The following SVOPL variants were observed in gnomAD, a reference collection of about 807,000 sequenced individuals.
SVOPL encodes putative transporter SVOPL.
SVOPL carries 60 observed loss-of-function variants against 61.0 expected under a neutral mutation model. The ratio of observed to expected loss-of-function variants is 0.98; its 90% CI spans 0.80 to 1.22. The LOEUF (loss-of-function observed/expected upper bound fraction) is 1.22, where lower values mean the gene tolerates loss of function less well. Ranked by LOEUF, SVOPL falls within the 50% of genes most tolerant of loss-of-function variation. SVOPL has a pLI of 0.00. For synonymous variants in SVOPL, 279 were observed against 250.0 expected, an observed-to-expected ratio of 1.12 and a Z score of -1.09; for missense variants, 662 against 643.9, an observed-to-expected ratio of 1.03 and a Z score of -0.30.
chr7:138,681,426 G>T (rs1373738869), intron 1 of SVOPL, among the ~76,000 whole-genome samples: 1 of 151,766 alleles, frequency 6.6e-6, no homozygotes, highest in East Asian at 1.9e-4. Context: ...GGCTGATTCT[G>T]GCTCAGGGAC....
chr7:138,691,667 A>G (rs1394310855), intron 1 of SVOPL, among the ~76,000 whole-genome samples: 1 of 152,026 alleles, frequency 6.6e-6, no homozygotes, highest in Non-Finnish European at 1.5e-5. Flanking sequence ...CAGCCTCCCG[A>G]GAAGCCGGGA....
intron 1 of SVOPL, among the ~76,000 whole-genome samples, chr7:138,699,848 A>G (rs976711800): frequency 6.6e-6 from 1 of 152,156 alleles, no homozygotes; most frequent in Admixed American, 6.5e-5. Context: ...GGTCTTCCCA[A>G]TGCATAGCCC....
At chr7:138,654,390 A>C (rs778463965) in intron 7 of SVOPL, among the ~76,000 whole-genome samples, 1 of 151,672 alleles carries the variant, frequency 6.6e-6, no homozygotes, top group Non-Finnish European at 1.5e-5. Context: ...TCTATGTATC[A>C]ATAAAATAAA....
chr7:138,690,373 AG>A, intron 1 of SVOPL, among the ~76,000 whole-genome samples: 1 of 152,082 alleles, frequency 6.6e-6, no homozygotes, highest in Non-Finnish European at 1.5e-5. Flanking sequence ...TGCATCTGGG[AG>A]CCAAAAGTAG....
At chr7:138,664,634 C>T (rs1178431891) in intron 4 of SVOPL, among the ~76,000 whole-genome samples, 2 of 142,230 alleles carry the variant, frequency 1.4e-5, no homozygotes, top group African/African-American at 5.2e-5. Context: ...GCCTAATCTC[C>T]AGCACCCCCG....
Position 138,618,287 on chromosome 7 carries a change from T to C in SVOPL, c.1353+2759A>G, listed in dbSNP as rs536284393. Reference sequence around the variant, plus strand: ...TACTGTATGTCAAACATTGGGTTAATTGCTTTACATTTATTCATCTCATTT... The same window carrying C: ...TACTGTATGTCAAACATTGGGTTAACTGCTTTACATTTATTCATCTCATTT... On this transcript the variant is annotated intron_variant, in intron 14 of 15. Transcript: ENST00000674285. 8.5e-5 allele frequency among the ~76,000 whole-genome samples: 13 copies of C among 152,314 alleles called. No homozygotes were observed. The East Asian group carries it at 2.5e-3, about 29-fold the overall frequency.
rs991187464 is a variant in SVOPL, at chr7:138,642,685, C to T, written c.789+2032G>A. ...TCTACAAAAAACACAAAAAATTAGC[C>T]GGGTGTTGGTGGCTCGCACTGATAG... On this transcript the variant is annotated intron_variant, in intron 9 of 15. Transcript: ENST00000674285. 1.2e-4 allele frequency among the ~76,000 whole-genome samples: 18 copies of T among 151,442 alleles called. No homozygotes were observed. The East Asian group carries it at 1.9e-3, about 16-fold the overall frequency.
At chr7:138,700,068 C>A (rs1223916788) in intron 1 of SVOPL, among the ~76,000 whole-genome samples, 1 of 152,174 alleles carries the variant, frequency 6.6e-6, no homozygotes, top group Non-Finnish European at 1.5e-5. Flanking sequence ...GTAGCGTTCA[C>A]ATCTGTACCT....
intron 9 of SVOPL, among the ~76,000 whole-genome samples, chr7:138,643,049 A>G (rs1389224787): frequency 6.6e-6 from 1 of 152,096 alleles, no homozygotes; most frequent in African/African-American, 2.4e-5. Flanking sequence ...AGAACACAGT[A>G]TGGTGATTCC....
intron 14 of SVOPL, among the ~76,000 whole-genome samples, chr7:138,615,323 C>T (rs113189527): frequency 3.9e-5 from 6 of 151,964 alleles, no homozygotes; most frequent in African/African-American, 1.5e-4. Context: ...TTTGGGAGGC[C>T]GAGATGGGCA....
intron 4 of SVOPL, among the ~76,000 whole-genome samples, chr7:138,669,509 G>A (rs1802362636): frequency 6.6e-6 from 1 of 152,306 alleles, no homozygotes; most frequent in Non-Finnish European, 1.5e-5. Flanking sequence ...CACCAGAAAA[G>A]AGAAGAGGCT....
At chr7:138,645,421 T>C (rs1801051242) in intron 8 of SVOPL, among the ~76,000 whole-genome samples, 1 of 152,168 alleles carries the variant, frequency 6.6e-6, no homozygotes, top group African/African-American at 2.4e-5. Flanking sequence ...CTGTTGGCTC[T>C]TCCTCAGAAA....
chr7:138,658,786 A>G (rs1210041864), intron 6 of SVOPL, among the ~76,000 whole-genome samples: 2 of 152,180 alleles, frequency 1.3e-5, no homozygotes, highest in East Asian at 3.9e-4. Context: ...AAAACCAAAC[A>G]AAGCTTAAAC....
chr7:138,677,157 G>A (rs1442996084), intron 3 of SVOPL, among the ~76,000 whole-genome samples: 1 of 152,038 alleles, frequency 6.6e-6, no homozygotes, highest in Admixed American at 6.6e-5. Flanking sequence ...GCCCGCCTCG[G>A]CCTCCCAAAG....
chr7:138,626,200 TG>T, intron 12 of SVOPL, 150 bp from the exon 13 acceptor site: 1 of 708,830 alleles, frequency 1.4e-6, no homozygotes, highest in East Asian at 2.7e-5. Context: ...GGCCTGATTG[TG>T]GGGTCCTTAA....
chr7:138,675,058 T>C lies in SVOPL; in HGVS notation c.175-2941A>G, dbSNP rs77726680. ...ATCTTCTCAATTGTACCATTGGTTATCATCAAAATAGGACTAGGATACATC... is the reference window on the plus strand; with the variant it reads ...ATCTTCTCAATTGTACCATTGGTTACCATCAAAATAGGACTAGGATACATC... On this transcript the variant is annotated intron_variant, in intron 3 of 15. Coordinates refer to ENST00000674285, the MANE Select transcript of SVOPL (RefSeq NM_001139456.2). Among the ~76,000 whole-genome samples the C allele has an allele frequency of 3.0e-3, 457 of 152,134 alleles. 9 individuals carry two copies. The highest frequency in any genetic ancestry group is 0.01 in the African/African-American group (425 of 41,522).
intron 9 of SVOPL, among the ~76,000 whole-genome samples, chr7:138,631,961 CACACACACACACACACACACACAT>C (rs1054246014): frequency 1.4e-5 from 1 of 73,070 alleles, no homozygotes; most frequent in African/African-American, 1.4e-4. Context: ...GCTCTGATAT[CACACACACACACACACACACACAT>C]ACACACACCC....
chr7:138,674,139 G>A (rs1017779846), intron 3 of SVOPL, among the ~76,000 whole-genome samples: 2 of 151,918 alleles, frequency 1.3e-5, no homozygotes, highest in African/African-American at 4.8e-5. Flanking sequence ...AGTGAGCTGA[G>A]ATCACACCAC....
At chr7:138,642,971 C>T (rs562223065) in intron 9 of SVOPL, among the ~76,000 whole-genome samples, 2 of 152,122 alleles carry the variant, frequency 1.3e-5, no homozygotes, top group South Asian at 4.1e-4. Flanking sequence ...AACTCCTCTG[C>T]CCAGGATGTA....
Sources: allele counts gnomAD v4.1 joint callset (sites outside exome capture counted in the v4.1 genomes callset), GRCh38; gene constraint gnomAD v4.1.1; transcripts MANE v1.5; gene names NCBI Gene and HGNC (gene_info 2026-07-23, HGNC 2026-07-21).